SNTG2: variants seen among roughly 807,000 people sequenced by gnomAD.
The protein encoded by SNTG2 is gamma-2-syntrophin.
A neutral mutation model predicts 70.9 loss-of-function variants in SNTG2; 74 were observed. That is an observed-to-expected ratio of 1.04 (90% CI 0.86 to 1.27). SNTG2 has a LOEUF of 1.27. SNTG2 is among the 50% of genes most tolerant of loss of function. The probability of loss-of-function intolerance (pLI) is 0.00; values close to 1 mark genes in which losing one functional copy is unlikely to be tolerated. For synonymous variants in SNTG2, 278 were observed against 273.8 expected (o/e 1.02, Z -0.15); for missense variants, 717 against 690.7 (o/e 1.04, Z -0.43).
intron 14 of SNTG2, among the ~76,000 whole-genome samples, chr2:1,288,654 A>G (rs1679866840): frequency 6.6e-6 from 1 of 152,186 alleles, no homozygotes; most frequent in African/African-American, 2.4e-5. Flanking sequence ...AGATACATAC[A>G]TACATTTTTG....
chr2:1,337,766 A>G (rs1006759089), intron 16 of SNTG2, among the ~76,000 whole-genome samples: 1 of 152,152 alleles, frequency 6.6e-6, no homozygotes, highest in Non-Finnish European at 1.5e-5. Flanking sequence ...GTCATATCCA[A>G]GAAATTGTTG....
At chr2:1,039,100 C>T (rs1661289081) in intron 1 of SNTG2, among the ~76,000 whole-genome samples, 1 of 152,258 alleles carries the variant, frequency 6.6e-6, no homozygotes, top group East Asian at 1.9e-4. Context: ...TAGGGTTTAT[C>T]TTTAATTCTG....
At position 1,138,358 on chromosome 2, in the gene SNTG2, C is replaced by T. The variant is rs576728459; in HGVS notation, c.411+549C>T. Among the ~76,000 whole-genome samples the T allele has an allele frequency of 2.8e-4, 42 of 152,282 alleles. No homozygotes were observed. In the South Asian group the frequency reaches 8.5e-3, roughly 31 times the overall value. On this transcript the variant is annotated intron_variant, in intron 6 of 16. Transcript: ENST00000308624. ...TGCTTTCCATGGAGATGAGCTTTCT[C>T]CAATGTCACGTCAGGTTAGGCGGAT...
intron 8 of SNTG2, among the ~76,000 whole-genome samples, chr2:1,207,336 A>G (rs1192690048): frequency 6.6e-6 from 1 of 152,220 alleles, no homozygotes; most frequent in African/African-American, 2.4e-5. Flanking sequence ...CACTTTTGCT[A>G]TTGAGCTATT....
chr2:1,158,574 G>A (rs1380401658), intron 6 of SNTG2: 3 of 152,262 alleles, frequency 2.0e-5, no homozygotes, highest in Admixed American at 6.5e-5. Context: ...CATGTTTCAA[G>A]TGACCTATGT....
At chr2:1,064,157 T>A (rs906781384) in intron 1 of SNTG2, among the ~76,000 whole-genome samples, 2 of 151,748 alleles carry the variant, frequency 1.3e-5, no homozygotes, top group Non-Finnish European at 2.9e-5. Context: ...AAGAAAAAAA[T>A]AATGAACCTA....
At chr2:1,147,912 C>T (rs1669205206) in intron 6 of SNTG2, among the ~76,000 whole-genome samples, 2 of 152,270 alleles carry the variant, frequency 1.3e-5, no homozygotes, top group Middle Eastern at 3.4e-3. Flanking sequence ...TTTTCAGAGG[C>T]AGTTGAAGCA....
chr2:1,367,222 CTAT>C (rs912270392), intron 16 of SNTG2, 118 bp from the exon 17 acceptor site: 9 of 894,558 alleles, frequency 1.0e-5, no homozygotes, highest in South Asian at 6.2e-5. Context: ...TATTTCCTGT[CTAT>C]TATTATTTTT....
intron 2 of SNTG2, among the ~76,000 whole-genome samples, 177 bp from the exon 3 acceptor site, chr2:1,098,019 G>T (rs532233306): frequency 6.6e-6 from 1 of 152,182 alleles, no homozygotes; most frequent in Admixed American, 6.5e-5. Context: ...GTTTTCATAC[G>T]TGCAATACCA....
At chr2:996,041 A>T (rs1661671735) in intron 1 of SNTG2, among the ~76,000 whole-genome samples, 1 of 152,108 alleles carries the variant, frequency 6.6e-6, no homozygotes, top group Non-Finnish European at 1.5e-5. Context: ...TTTGCCTTGT[A>T]ATGAGGAAAC....
chr2:1,253,093 A>T (rs894552603), intron 12 of SNTG2, among the ~76,000 whole-genome samples: 2 of 152,080 alleles, frequency 1.3e-5, no homozygotes, highest in African/African-American at 2.4e-5. Context: ...GTTGTTAATT[A>T]CTCACAGAAC....
intron 4 of SNTG2, among the ~76,000 whole-genome samples, chr2:1,119,007 A>C (rs75303680): frequency 0.013 from 1,963 of 152,322 alleles, 35 homozygotes; most frequent in African/African-American, 0.042. Flanking sequence ...AGGCAAAAAA[A>C]GGATAATTTT....
At chr2:1,171,140 A>T (rs1671099356) in intron 7 of SNTG2, among the ~76,000 whole-genome samples, 1 of 152,170 alleles carries the variant, frequency 6.6e-6, no homozygotes, top group Non-Finnish European at 1.5e-5. Flanking sequence ...AATTCTTGAT[A>T]TTGGGTTTTA....
At chr2:1,304,935 G>T (rs1278029238) in intron 14 of SNTG2, among the ~76,000 whole-genome samples, 2 of 151,742 alleles carry the variant, frequency 1.3e-5, no homozygotes, top group South Asian at 2.1e-4. Context: ...GACCATTTTT[G>T]ATATTTTCAT....
intron 6 of SNTG2, among the ~76,000 whole-genome samples, chr2:1,151,321 G>T (rs1669482412): frequency 6.6e-6 from 1 of 152,260 alleles, no homozygotes; most frequent in African/African-American, 2.4e-5. Flanking sequence ...TCCGGGGGGT[G>T]TCCCACTCCT....
intron 16 of SNTG2, among the ~76,000 whole-genome samples, chr2:1,333,395 AG>A (rs1212994041): frequency 6.6e-6 from 1 of 152,130 alleles, no homozygotes; most frequent in Non-Finnish European, 1.5e-5. Context: ...CTACAAATTC[AG>A]TCCCCATCAA....
intron 3 of SNTG2, 28 bp downstream of exon 3, chr2:1,098,280 CTTT>C: frequency 6.2e-7 from 1 of 1,613,774 alleles, no homozygotes; most frequent in African/African-American, 1.3e-5. Flanking sequence ...TCTATTCCTG[CTTT>C]TTATTTTTGA....
At chr2:1,246,253 T>C (rs994150735) in intron 11 of SNTG2, among the ~76,000 whole-genome samples, 2 of 152,252 alleles carry the variant, frequency 1.3e-5, no homozygotes, top group Admixed American at 6.5e-5. Context: ...CTCCTAATTT[T>C]CTTTCCCATT....
intron 4 of SNTG2, among the ~76,000 whole-genome samples, chr2:1,130,073 A>G (rs1448748834): frequency 6.6e-6 from 1 of 152,226 alleles, no homozygotes; most frequent in African/African-American, 2.4e-5. Context: ...CAAAAAACTT[A>G]AAAGCCATAT....
Sources: gnomAD v4.1 joint callset for allele counts (sites outside exome capture counted in the v4.1 genomes callset) on GRCh38, gnomAD v4.1.1 for gene constraint, MANE v1.5 for transcripts, NCBI Gene and HGNC (gene_info 2026-07-23, HGNC 2026-07-21) for gene names.